FBXO11: variants seen among roughly 807,000 people sequenced by gnomAD.
FBXO11 encodes the protein F-box protein 11.
FBXO11 carries 13 observed loss-of-function variants against 117.0 expected under a neutral mutation model. That is an observed-to-expected ratio of 0.11 (90% CI 0.07 to 0.18). The LOEUF is 0.18. Ranked by LOEUF, FBXO11 falls within the 10% of genes least tolerant of loss-of-function variation. The probability of loss-of-function intolerance (pLI) is 1.00; values close to 1 mark genes in which losing one functional copy is unlikely to be tolerated. For synonymous variants in FBXO11, 490 were observed against 380.5 expected, an observed-to-expected ratio of 1.29 and a Z score of -3.35; for missense variants, 767 against 1,164.4, an observed-to-expected ratio of 0.66 and a Z score of 4.97.
intron 4 of FBXO11, chr2:47,836,866 C>T (rs1672608843): frequency 3.0e-6 from 1 of 330,864 alleles, no homozygotes; most frequent in East Asian, 1.2e-4. Context: ...TCATTGCAGC[C>T]TTAACCTCCC....
At chr2:47,830,241 A>G (rs975051280) in intron 11 of FBXO11, among the ~76,000 whole-genome samples, 2 of 152,218 alleles carry the variant, frequency 1.3e-5, no homozygotes, top group Non-Finnish European at 1.5e-5. Context: ...CAGAGTTCTC[A>G]GCCATGCTCA....
chr2:47,857,731 C>G (rs1674422000), intron 1 of FBXO11, among the ~76,000 whole-genome samples: 1 of 152,106 alleles, frequency 6.6e-6, no homozygotes, highest in South Asian at 2.1e-4. Context: ...TCACAGTAAA[C>G]TCGAGAAGGA....
intron 1 of FBXO11, among the ~76,000 whole-genome samples, chr2:47,871,773 T>C (rs1675643774): frequency 2.0e-5 from 3 of 152,246 alleles, no homozygotes; most frequent in South Asian, 4.1e-4. Context: ...ACTATCATGA[T>C]GTCCCTTCAA....
chr2:47,860,499 C>T (rs1400318455), intron 1 of FBXO11, among the ~76,000 whole-genome samples: 1 of 151,778 alleles, frequency 6.6e-6, no homozygotes, highest in African/African-American at 2.4e-5. Flanking sequence ...AAACCTCCGC[C>T]TCCCAGGTTC....
rs541336621 is a variant in FBXO11 at position 47,857,415 on chromosome 2, C to T, written c.233-17646G>A. Reference sequence around the variant, plus strand: ...GGATTATAGTCGTGAGCCACCACACCTGGCCAGAAATTTTATGGTCTCATA... The same window carrying T: ...GGATTATAGTCGTGAGCCACCACACTTGGCCAGAAATTTTATGGTCTCATA... On this transcript the variant is annotated intron_variant, in intron 1 of 22. Transcript: ENST00000403359. 2.6e-5 allele frequency among the ~76,000 whole-genome samples: 4 copies of T among 152,164 alleles called. No individual in the cohort carries two copies. In the South Asian group the frequency reaches 8.3e-4, roughly 32 times the overall value.
At chr2:47,817,413 C>T (rs750548003) in intron 16 of FBXO11, among the ~76,000 whole-genome samples, 5 of 152,134 alleles carry the variant, frequency 3.3e-5, no homozygotes, top group Non-Finnish European at 5.9e-5. Context: ...TGCTTTGAAC[C>T]CTGAGAAACT....
chr2:47,860,167 T>C (rs1674643685), intron 1 of FBXO11, among the ~76,000 whole-genome samples: 1 of 152,228 alleles, frequency 6.6e-6, no homozygotes, highest in African/African-American at 2.4e-5. Flanking sequence ...GAAGTCTTTA[T>C]TGCTTCTGTT....
chr2:47,904,768 G>A (rs1464007977), intron 1 of FBXO11, among the ~76,000 whole-genome samples: 1 of 152,120 alleles, frequency 6.6e-6, no homozygotes, highest in Non-Finnish European at 1.5e-5. Context: ...TGCACACGAG[G>A]GAGGGGGCTG....
intron 11 of FBXO11, among the ~76,000 whole-genome samples, chr2:47,829,003 C>A (rs1364605870): frequency 1.3e-5 from 2 of 151,450 alleles, no homozygotes; most frequent in East Asian, 3.9e-4. Context: ...CAACCTCCAC[C>A]TCCCACCTCC....
intron 18 of FBXO11, 124 bp downstream of exon 18, chr2:47,813,110 T>C (rs748858047): frequency 8.9e-6 from 9 of 1,016,556 alleles, no homozygotes; most frequent in South Asian, 1.3e-5. Context: ...CAGTTCAACT[T>C]GATAAGGAAA....
Position 47,905,991 on chromosome 2 carries a change from G to A in FBXO11, c.-271C>T, listed in dbSNP as rs1458811283. The A allele has an allele frequency of 1.0e-5, 4 of 394,252 alleles. No individual in the cohort carries two copies. The highest frequency in any genetic ancestry group is 4.3e-5 in the East Asian group (1 of 23,488). The allele number at this position is 394,252 out of a possible 1,614,324, so 24.4% of individuals were successfully genotyped here. A position where few individuals can be genotyped will look rare whatever the true frequency, so the allele number is the denominator to read the frequency against. The stretch of plus-strand genomic sequence containing the variant: ...GCCGCCGGGCGGGGCGGCCGCGAGG[G>A]ACGAAGGCAGAAAGACGGGCAGACC... On this transcript the variant is annotated 5_prime_UTR_variant, in exon 1 of 23. Transcript: ENST00000403359.
rs906843894 is a variant in FBXO11 at position 47,846,474 on chromosome 2, AT to A, written c.233-6706del. Among the ~76,000 whole-genome samples the A allele has an allele frequency of 1.1e-4, 16 of 152,010 alleles. No individual in the cohort carries two copies. In the South Asian group the frequency reaches 1.9e-3, roughly 18 times the overall value. ...AAAAACGAAACTGTTTCAAAAAAAA[AT>A]TTTTTTTTAATTTTATGGTTTTCAT... On this transcript the variant is annotated intron_variant, in intron 1 of 22. Transcript: ENST00000403359.
chr2:47,835,655 G>A (rs537267963), intron 5 of FBXO11, among the ~76,000 whole-genome samples: 1 of 152,228 alleles, frequency 6.6e-6, no homozygotes, highest in South Asian at 2.1e-4. Flanking sequence ...GCGCCACCAT[G>A]TCCGGCTAAT....
intron 11 of FBXO11, among the ~76,000 whole-genome samples, chr2:47,830,948 G>A (rs2104796390): frequency 6.6e-6 from 1 of 152,192 alleles, no homozygotes; most frequent in Non-Finnish European, 1.5e-5. Context: ...ACAGGTGTGA[G>A]CCACCATGCC....
At chr2:47,864,054 G>A (rs1004956363) in intron 1 of FBXO11, among the ~76,000 whole-genome samples, 2 of 152,030 alleles carry the variant, frequency 1.3e-5, no homozygotes, top group African/African-American at 2.4e-5. Flanking sequence ...CATATGTGCT[G>A]GAATTTTTAA....
intron 19 of FBXO11, 122 bp from the exon 20 acceptor site, chr2:47,809,829 C>CATTTTATTCAGTAGACA: frequency 1.6e-6 from 1 of 617,142 alleles, no homozygotes; most frequent in Non-Finnish European, 2.8e-6. Flanking sequence ...TTAATGTCTA[C>CATTTTATTCAGTAGACA]TGAATAAAAT....
chr2:47,906,012 A>C lies in FBXO11; in HGVS notation c.-292T>G, dbSNP rs1678788448. 1 of 318,726 alleles carries C rather than the reference A, an allele frequency of 3.1e-6. No individual in the cohort carries two copies. The highest frequency in any genetic ancestry group is 5.8e-6 in the Non-Finnish European group (1 of 171,366). The allele number at this position is 318,726 out of a possible 1,614,324, so 19.7% of individuals were successfully genotyped here. The stretch of plus-strand genomic sequence containing the variant: ...GAGGGACGAAGGCAGAAAGACGGGC[A>C]GACCGAGAGAAAGAAAGAAAGGGCG... On this transcript the variant is annotated 5_prime_UTR_variant, in exon 1 of 23. Coordinates refer to ENST00000403359, the MANE Select transcript of FBXO11 (RefSeq NM_001190274.2).
chr2:47,898,234 T>C (rs1021555866), intron 1 of FBXO11, among the ~76,000 whole-genome samples: 2 of 152,254 alleles, frequency 1.3e-5, no homozygotes, highest in African/African-American at 2.4e-5. Context: ...TTTTTGATAT[T>C]TGCCTTCAAC....
chr2:47,888,380 C>G (rs1176412220), intron 1 of FBXO11, among the ~76,000 whole-genome samples: 1 of 152,140 alleles, frequency 6.6e-6, no homozygotes, highest in African/African-American at 2.4e-5. Context: ...TCTATAATAC[C>G]ATTCCTGACT....
Sources: allele counts gnomAD v4.1 joint callset (sites outside exome capture counted in the v4.1 genomes callset), GRCh38; gene constraint gnomAD v4.1.1; transcripts MANE v1.5; gene names NCBI Gene and HGNC (gene_info 2026-07-23, HGNC 2026-07-21).